AKR1A1: variants seen among roughly 807,000 people sequenced by gnomAD.
The protein encoded by AKR1A1 is aldo-keto reductase family 1 member A1.
Under a neutral mutation model 39.2 loss-of-function variants are expected in AKR1A1, and 26 were observed. The observed-to-expected ratio is 0.66, with a 90% confidence interval of 0.49 to 0.92. AKR1A1 has a LOEUF of 0.92. AKR1A1 is among the 40% of genes least tolerant of loss of function. The pLI, the probability that AKR1A1 is intolerant of heterozygous loss-of-function variation, is 0.00. For missense variants in AKR1A1, 378 were observed against 406.5 expected (o/e 0.93, Z 0.60); for synonymous variants, 141 against 155.5 (o/e 0.91, Z 0.69).
rs142175775 is a variant in AKR1A1, at chr1:45,561,827, G to T, written c.33G>T (p.Gly11=). The T allele has an allele frequency of 6.2e-7, 1 of 1,614,134 alleles. No individual in the cohort carries two copies. Among genetic ancestry groups the T allele is most frequent in the East Asian group, 2.2e-5 (1 of 44,880 alleles). MAASCVLLHT[G]QKMPLIGLGT... ...CTTCCTGTGTTCTACTGCACACTGG[G>T]CAGAAGATGCCTCTGATTGGTCTGG... Residue 11 remains glycine (G), a synonymous_variant, in exon 2 of 9, where the codon GGG becomes GGT. Transcript: ENST00000351829.
chr1:45,556,207 A>G (rs1644200370), intron 1 of AKR1A1, among the ~76,000 whole-genome samples: 1 of 152,216 alleles, frequency 6.6e-6, no homozygotes, highest in African/African-American at 2.4e-5. Flanking sequence ...TAGGCATTGA[A>G]TTGGAAATAA....
At chr1:45,560,909 A>G (rs988624812) in intron 1 of AKR1A1, among the ~76,000 whole-genome samples, 2 of 151,894 alleles carry the variant, frequency 1.3e-5, no homozygotes, top group Non-Finnish European at 2.9e-5. Context: ...TTGTATTTTT[A>G]GTAGAGATGG....
At chr1:45,557,488 C>T (rs1244128820) in intron 1 of AKR1A1, among the ~76,000 whole-genome samples, 1 of 152,202 alleles carries the variant, frequency 6.6e-6, no homozygotes, top group Admixed American at 6.6e-5. Flanking sequence ...TTCAGTTTCA[C>T]CAGCAAAAGA....
intron 4 of AKR1A1, 97 bp from the exon 5 acceptor site, chr1:45,567,885 C>T: frequency 8.5e-7 from 1 of 1,170,684 alleles, no homozygotes; most frequent in East Asian, 2.6e-5. Context: ...TTTGTCCTCT[C>T]TGGGATTGGA....
At chr1:45,561,482 C>A (rs891767747) in intron 1 of AKR1A1, among the ~76,000 whole-genome samples, 11 of 152,124 alleles carry the variant, frequency 7.2e-5, no homozygotes, top group African/African-American at 2.7e-4. Context: ...CAGCTAACTG[C>A]AACCTCCACC....
intron 3 of AKR1A1, 85 bp downstream of exon 3, chr1:45,566,773 G>T: frequency 5.6e-6 from 9 of 1,595,744 alleles, no homozygotes; most frequent in Non-Finnish European, 7.7e-6. Context: ...AGGGAATCTG[G>T]CATCAGCTTC....
rs1172039638 is a variant in AKR1A1, at chr1:45,566,705, T to C, written c.204+17T>C. 2 of 1,613,478 alleles carry C rather than the reference T, an allele frequency of 1.2e-6. No individual in the cohort carries two copies. The highest frequency in any genetic ancestry group is 1.3e-5 in the African/African-American group (1 of 74,918). On this transcript the variant is annotated intron_variant, in intron 3 of 8. Transcript: ENST00000351829. The stretch of plus-strand genomic sequence containing the variant: ...CCAGGCAAGGTAAGGACTGGGGTTG[T>C]AAATAGAGGTGGGATAAGAGAACTT...
At chr1:45,568,709 G>T in intron 6 of AKR1A1, 25 bp downstream of exon 6, 1 of 1,612,352 alleles carries the variant, frequency 6.2e-7, no homozygotes, top group Non-Finnish European at 8.5e-7. Context: ...TAGGGAGAGG[G>T]CCCTGGGTTG....
rs1286509554 is a variant in AKR1A1, at chr1:45,568,641, T to C, written c.709T>C (p.Leu237=). The C allele has an allele frequency of 2.5e-6, 4 of 1,613,740 alleles. No individual in the cohort carries two copies. In the South Asian group the frequency reaches 4.4e-5, roughly 18 times the overall value. Residue 237 remains leucine (L), a synonymous_variant, in exon 6 of 9, where the codon TTG becomes CTG. Coordinates refer to ENST00000351829, the MANE Select transcript of AKR1A1 (RefSeq NM_153326.3). The part of the protein sequence containing the change: ...VLLEEPVVLA[L]AEKYGRSPAQ... ...GCTGGAGGAACCAGTAGTCCTGGCA[T>C]TGGCTGAAAAGTATGGCCGATCTCC...
At chr1:45,555,107 C>T (rs1205861699) in intron 1 of AKR1A1, among the ~76,000 whole-genome samples, 3 of 152,166 alleles carry the variant, frequency 2.0e-5, no homozygotes, top group Non-Finnish European at 4.4e-5. Context: ...AAAGTCAACA[C>T]TCTATCCACA....
intron 1 of AKR1A1, among the ~76,000 whole-genome samples, chr1:45,556,274 T>C (rs1447753369): frequency 1.3e-5 from 2 of 152,150 alleles, no homozygotes; most frequent in African/African-American, 2.4e-5. Flanking sequence ...ATCTCTCTTT[T>C]ACACTTGAAT....
rs369473192 is a variant in AKR1A1, at chr1:45,562,003, A to G, written c.84+125A>G. 5.9e-4 allele frequency: 539 copies of G among 915,210 alleles called. 5 individuals are homozygous for G. The South Asian group carries it at 6.3e-3, about 11-fold the overall frequency. 56.7% of individuals were successfully genotyped at this position (915,210 alleles called of 1,614,324 possible). A position where few individuals can be genotyped will look rare whatever the true frequency, so the allele number is the denominator to read the frequency against. On this transcript the variant is annotated intron_variant, in intron 2 of 8. Coordinates refer to ENST00000351829, the MANE Select transcript of AKR1A1 (RefSeq NM_153326.3). ...TGGGAAGAGATAAGAGAAGACACCA[A>G]TTATACATCCTGGGCTTCCCCAGCT... is the stretch of plus-strand genomic sequence containing the variant.
intron 8 of AKR1A1, 83 bp from the exon 9 acceptor site, chr1:45,569,808 T>G (rs984922758): frequency 3.3e-5 from 42 of 1,269,098 alleles, no homozygotes; most frequent in African/African-American, 5.9e-5. Flanking sequence ...GTGAGTTTGT[T>G]TAGGAAGATT....
chr1:45,567,014 C>T lies in AKR1A1; in HGVS notation c.350C>T (p.Ala117Val). ...CTGTACCTGATGCACTGGCCTTATG[C>T]CTTTGAGTGAGCCTTGCCAGAGCCT... ...LDLYLMHWPY[A>V]FERGDNPFPK... The change falls in exon 4 of 9, where the codon GCC (alanine) becomes GTC (valine). Residue 117 changes from alanine (A) to valine (V), a missense_variant. By Grantham distance (64) the Ala-to-Val change is moderately conservative (BLOSUM62 0). Coordinates refer to ENST00000351829, the MANE Select transcript of AKR1A1 (RefSeq NM_153326.3). 1 of 1,613,718 alleles carries T rather than the reference C, an allele frequency of 6.2e-7. No homozygotes were observed. Among genetic ancestry groups the T allele is most frequent in the South Asian group, 1.1e-5 (1 of 91,038 alleles).
At chr1:45,551,569 C>T (rs1194628608) in intron 1 of AKR1A1, among the ~76,000 whole-genome samples, 1 of 152,120 alleles carries the variant, frequency 6.6e-6, no homozygotes, top group Non-Finnish European at 1.5e-5. Flanking sequence ...ACTTAGACAC[C>T]TGCTTTGGGT....
intron 1 of AKR1A1, among the ~76,000 whole-genome samples, chr1:45,557,586 G>T (rs1448645391): frequency 6.6e-6 from 1 of 152,160 alleles, no homozygotes; most frequent in Non-Finnish European, 1.5e-5. Context: ...TAATTTCAGA[G>T]CCTTCTCATG....
Position 45,564,001 on chromosome 1 carries a change from C to A in AKR1A1, c.84+2123C>A, listed in dbSNP as rs75775994. 5.5e-4 allele frequency among the ~76,000 whole-genome samples: 83 copies of A among 152,282 alleles called. No homozygotes were observed. In the East Asian group the frequency reaches 0.013, roughly 24 times the overall value. On this transcript the variant is annotated intron_variant, in intron 2 of 8. Coordinates refer to ENST00000351829, the MANE Select transcript of AKR1A1 (RefSeq NM_153326.3). ...ATGGGGCATTTCCCCAGGGCTTCTT[C>A]CTTCTTCCTTGGAAATCTTGAGTCA...
chr1:45,565,115 C>T (rs1184510245), intron 2 of AKR1A1, among the ~76,000 whole-genome samples: 5 of 146,050 alleles, frequency 3.4e-5, no homozygotes, highest in Non-Finnish European at 7.5e-5. Context: ...AGCCACCACA[C>T]CCAGCCATTT....
At chr1:45,551,230 C>T (rs1446032435) in intron 1 of AKR1A1, 75 bp downstream of exon 1, 2 of 152,284 alleles carry the variant, frequency 1.3e-5, no homozygotes, top group East Asian at 1.9e-4. Context: ...GAAATGTAAG[C>T]CCCTGGGGTT....
Sources: allele counts gnomAD v4.1 joint callset (sites outside exome capture counted in the v4.1 genomes callset), GRCh38; gene constraint gnomAD v4.1.1; transcripts MANE v1.5; gene names NCBI Gene and HGNC (gene_info 2026-07-23, HGNC 2026-07-21).